ARHGAP10: variants seen among roughly 807,000 people sequenced by gnomAD.
ARHGAP10 encodes the protein Rho GTPase activating protein 10.
A neutral mutation model predicts 108.6 loss-of-function variants in ARHGAP10; 87 were observed. The ratio of observed to expected loss-of-function variants is 0.80; its 90% confidence interval spans 0.67 to 0.96. ARHGAP10 has a LOEUF of 0.96. ARHGAP10 is among the 40% of genes least tolerant of loss of function. The pLI, the probability that ARHGAP10 is intolerant of heterozygous loss-of-function variation, is 0.00. For missense variants in ARHGAP10, 939 were observed against 954.5 expected (o/e 0.98, Z 0.21); for synonymous variants, 347 against 341.1 (o/e 1.02, Z -0.19).
chr4:147,837,923 A>T (rs757647167), intron 3 of ARHGAP10, among the ~76,000 whole-genome samples: 26 of 152,148 alleles, frequency 1.7e-4, no homozygotes, highest in Non-Finnish European at 3.7e-4. Context: ...AACATAATAA[A>T]ATTGTTTCAG....
intron 16 of ARHGAP10, among the ~76,000 whole-genome samples, chr4:147,963,062 A>T (rs530378738): frequency 2.0e-5 from 3 of 152,192 alleles, no homozygotes; most frequent in Non-Finnish European, 4.4e-5. Flanking sequence ...AATATCAGGC[A>T]TACCTTCCCC....
chr4:147,970,971 T>C (rs1739383214), intron 18 of ARHGAP10, among the ~76,000 whole-genome samples: 1 of 151,656 alleles, frequency 6.6e-6, no homozygotes, highest in South Asian at 2.1e-4. Context: ...CGGGCACCTG[T>C]AATCCCAGCT....
chr4:147,815,383 A>G (rs548523122), intron 1 of ARHGAP10, among the ~76,000 whole-genome samples: 1 of 152,110 alleles, frequency 6.6e-6, no homozygotes, highest in Non-Finnish European at 1.5e-5. Flanking sequence ...TCCTGTCCTA[A>G]TCATCCCTGG....
chr4:148,043,614 AATATATATATATATATAT>A (rs57931206), intron 19 of ARHGAP10, among the ~76,000 whole-genome samples: 984 of 55,006 alleles, frequency 0.018, 88 homozygotes, highest in Non-Finnish European at 0.019. Context: ...CCCTCTCTCT[AATATATATATATATATAT>A]ATATATATAT....
intron 1 of ARHGAP10, among the ~76,000 whole-genome samples, chr4:147,756,471 A>G (rs1380987974): frequency 1.3e-5 from 2 of 152,210 alleles, no homozygotes; most frequent in Non-Finnish European, 1.5e-5. Flanking sequence ...TATGAACTAT[A>G]CCATAGTCCC....
intron 1 of ARHGAP10, among the ~76,000 whole-genome samples, chr4:147,760,670 C>T (rs1729554566): frequency 6.6e-6 from 1 of 152,182 alleles, no homozygotes; most frequent in Admixed American, 6.5e-5. Flanking sequence ...TGACCTCTCC[C>T]ATTTTTCCCT....
intron 1 of ARHGAP10, among the ~76,000 whole-genome samples, chr4:147,810,570 A>T (rs951275149): frequency 6.6e-6 from 1 of 152,224 alleles, no homozygotes. Flanking sequence ...GTGGTGGTGC[A>T]GAGTTGCCAG....
intron 18 of ARHGAP10, among the ~76,000 whole-genome samples, chr4:147,974,209 A>G (rs964552674): frequency 6.6e-6 from 1 of 151,986 alleles, no homozygotes; most frequent in Admixed American, 6.6e-5. Context: ...TGACTTTTGG[A>G]TAAAAGCCAT....
At chr4:147,856,330 C>G (rs1169736041) in intron 4 of ARHGAP10, among the ~76,000 whole-genome samples, 2 of 152,146 alleles carry the variant, frequency 1.3e-5, no homozygotes, top group Non-Finnish European at 2.9e-5. Flanking sequence ...ATTTTAGGCC[C>G]TGTTGACCTA....
rs373862001 is a variant in ARHGAP10 at position 147,818,758 on chromosome 4, T to C, written c.155-3969T>C. On this transcript the variant is annotated intron_variant, in intron 1 of 22. Transcript: ENST00000336498. ...AAGTTTAGCAAACTGCCTTATGCTT[T>C]TGTTTTGAAAAGAAGAAGACATCTA... Among the ~76,000 whole-genome samples, 54 of 152,266 alleles carry C rather than the reference T, an allele frequency of 3.5e-4. No homozygotes were observed. In the South Asian group the frequency reaches 7.7e-3, roughly 22 times the overall value.
At chr4:147,823,011 C>G in intron 3 of ARHGAP10, 54 bp downstream of exon 3, 1 of 1,532,188 alleles carries the variant, frequency 6.5e-7, no homozygotes, top group Admixed American at 1.7e-5. Flanking sequence ...GGAAAAAAAT[C>G]TGGATTTGGA....
intron 19 of ARHGAP10, among the ~76,000 whole-genome samples, chr4:148,039,696 C>G (rs1728549612): frequency 6.6e-6 from 1 of 151,936 alleles, no homozygotes; most frequent in Non-Finnish European, 1.5e-5. Flanking sequence ...CTGCTTTTTC[C>G]ATATGGGTGC....
intron 1 of ARHGAP10, among the ~76,000 whole-genome samples, chr4:147,770,923 T>G (rs567763242): frequency 1.3e-5 from 2 of 152,336 alleles, no homozygotes; most frequent in South Asian, 4.1e-4. Flanking sequence ...CTGAGGCACC[T>G]CTCCTTGGCT....
Position 148,063,299 on chromosome 4 carries a change from A to G in ARHGAP10, c.2179A>G (p.Ser727Gly), listed in dbSNP as rs762516340. Residue 727 changes from serine to glycine, a missense_variant and splice_region_variant, in exon 21 of 23, where the codon AGC becomes GGC. Coordinates refer to ENST00000336498, the MANE Select transcript of ARHGAP10 (RefSeq NM_024605.4). ...TACTGTAGCGGACAAGCCACCTGAA[A>G]GGTACGTGGTTTGGAGTGGAATGTG... Reference protein sequence around the residue: ...PATVADKPPESIRSRKARAVY... With the variant: ...PATVADKPPEGIRSRKARAVY... The G allele has an allele frequency of 6.2e-7, 1 of 1,614,108 alleles. No individual in the cohort carries two copies. Among genetic ancestry groups the G allele is most frequent in the South Asian group, 1.1e-5 (1 of 91,072 alleles).
chr4:147,941,172 A>G (rs1244314480), intron 14 of ARHGAP10, among the ~76,000 whole-genome samples: 1 of 152,208 alleles, frequency 6.6e-6, no homozygotes, highest in African/African-American at 2.4e-5. Context: ...GAGTATATTG[A>G]TAACAGAATG....
In ARHGAP10 at chr4:147,892,775, G is replaced by A. The variant is rs147955904; in HGVS notation, c.1034+10843G>A. ...AAATCAGAGGTTCTCAACTGTGGGC[G>A]ATGTTGCTCCTAGGGGACACTGGGC... On this transcript the variant is annotated intron_variant, in intron 10 of 22. Coordinates refer to ENST00000336498, the MANE Select transcript of ARHGAP10 (RefSeq NM_024605.4). Among the ~76,000 whole-genome samples, 1,156 of 152,302 alleles carry A rather than the reference G, an allele frequency of 7.6e-3. 23 individuals carry two copies. Among genetic ancestry groups the A allele is most frequent in the African/African-American group, 0.026 (1,073 of 41,558 alleles).
At chr4:147,765,529 G>T (rs1184430881) in intron 1 of ARHGAP10, among the ~76,000 whole-genome samples, 2 of 152,206 alleles carry the variant, frequency 1.3e-5, no homozygotes, top group South Asian at 4.1e-4. Flanking sequence ...GTTGGGTGTG[G>T]TGGCTCATGC....
intron 19 of ARHGAP10, among the ~76,000 whole-genome samples, chr4:148,044,757 G>A (rs924702421): frequency 6.6e-6 from 1 of 152,156 alleles, no homozygotes; most frequent in Non-Finnish European, 1.5e-5. Context: ...AGTTGAGCTC[G>A]CTGGGCACAG....
intron 14 of ARHGAP10, among the ~76,000 whole-genome samples, chr4:147,943,428 T>C (rs1738240162): frequency 1.3e-5 from 2 of 152,224 alleles, no homozygotes; most frequent in Admixed American, 6.5e-5. Context: ...TAAAACATAT[T>C]TTCAAAATTC....
Sources: gnomAD v4.1 joint callset for allele counts (sites outside exome capture counted in the v4.1 genomes callset) on GRCh38, gnomAD v4.1.1 for gene constraint, MANE v1.5 for transcripts, NCBI Gene and HGNC (gene_info 2026-07-23, HGNC 2026-07-21) for gene names.